The following PCDH15 variants were observed in gnomAD, a reference collection of about 807,000 sequenced individuals.
PCDH15 encodes protocadherin-15.
A neutral mutation model predicts 178.5 loss-of-function variants in PCDH15; 129 were observed. The observed-to-expected ratio is 0.72, with a 90% CI of 0.63 to 0.84. The LOEUF (loss-of-function observed/expected upper bound fraction) is 0.84, where lower values mean the gene tolerates loss of function less well. Among genes scored for constraint, PCDH15 ranks in the 40% least tolerant of loss-of-function variants. The probability of loss-of-function intolerance (pLI) is 0.00; values close to 1 mark genes in which losing one functional copy is unlikely to be tolerated. For synonymous variants in PCDH15, 800 were observed against 732.0 expected, an observed-to-expected ratio of 1.09 and a Z score of -1.50; for missense variants, 2,230 against 2,099.9, an observed-to-expected ratio of 1.06 and a Z score of -1.21.
chr10:54,099,498 C>CAAAA (rs755057091), intron 15 of PCDH15, among the ~76,000 whole-genome samples: 698 of 49,928 alleles, frequency 0.014, 48 homozygotes, highest in African/African-American at 0.075. Flanking sequence ...GACTCCATCT[C>CAAAA]AAAAAAAAAA....
intron 2 of PCDH15, among the ~76,000 whole-genome samples, chr10:55,617,975 T>C (rs1843512859): frequency 6.6e-6 from 1 of 152,050 alleles, no homozygotes; most frequent in Admixed American, 6.6e-5. Flanking sequence ...GGCATGTGAA[T>C]CCTATAAATG....
intron 3 of PCDH15, among the ~76,000 whole-genome samples, chr10:54,421,994 T>C (rs1271176787): frequency 6.8e-6 from 1 of 147,036 alleles, no homozygotes; most frequent in African/African-American, 2.5e-5. Flanking sequence ...TCCTTTAATT[T>C]TAAAAATTTT....
At chr10:54,399,065 C>T (rs941763859) in intron 3 of PCDH15, among the ~76,000 whole-genome samples, 1 of 151,974 alleles carries the variant, frequency 6.6e-6, no homozygotes, top group Non-Finnish European at 1.5e-5. Flanking sequence ...TATATGTGTT[C>T]CTTTCTGATT....
chr10:53,941,524 A>G (rs1589534934), intron 23 of PCDH15, among the ~76,000 whole-genome samples: 2 of 152,170 alleles, frequency 1.3e-5, no homozygotes, highest in Non-Finnish European at 2.9e-5. Context: ...GCACTACATA[A>G]TATTTCGCGG....
chr10:54,638,730 C>T (rs943404589), intron 2 of PCDH15, among the ~76,000 whole-genome samples: 1 of 152,042 alleles, frequency 6.6e-6, no homozygotes, highest in African/African-American at 2.4e-5. Context: ...AAGACACATA[C>T]ACATGCGCAT....
intron 23 of PCDH15, among the ~76,000 whole-genome samples, chr10:53,954,590 T>TACTGCA (rs1480566531): frequency 6.6e-6 from 1 of 152,238 alleles, no homozygotes; most frequent in Admixed American, 6.5e-5. Flanking sequence ...CTTTATATTT[T>TACTGCA]ACTTCTGTGA....
chr10:54,486,517 G>A (rs1458880764), intron 3 of PCDH15, among the ~76,000 whole-genome samples: 1 of 151,690 alleles, frequency 6.6e-6, no homozygotes, highest in African/African-American at 2.4e-5. Context: ...ATTTCACATA[G>A]TAGAGGCTAC....
chr10:54,103,178 A>G (rs1565266945), intron 15 of PCDH15, among the ~76,000 whole-genome samples: 1 of 152,138 alleles, frequency 6.6e-6, no homozygotes, highest in African/African-American at 2.4e-5. Context: ...TTATAATTCA[A>G]ATTAGTCTTT....
intron 26 of PCDH15, among the ~76,000 whole-genome samples, chr10:53,889,723 CCAAA>C (rs908220583): frequency 1.5e-4 from 23 of 152,080 alleles, no homozygotes; most frequent in African/African-American, 4.6e-4. Context: ...TTAAGAAACC[CCAAA>C]CAACTTATAT....
chr10:54,298,159 TCC>T (rs571174641), intron 8 of PCDH15, among the ~76,000 whole-genome samples: 63 of 152,236 alleles, frequency 4.1e-4, no homozygotes, highest in Middle Eastern at 6.8e-3. Context: ...AATCCTGCCT[TCC>T]TCGAGCAGCT....
chr10:53,920,362 G>T (rs958412520), intron 25 of PCDH15, among the ~76,000 whole-genome samples: 2 of 151,684 alleles, frequency 1.3e-5, no homozygotes, highest in Admixed American at 1.3e-4. Flanking sequence ...AAAAATAGTG[G>T]ATAAATTATG....
intron 2 of PCDH15, among the ~76,000 whole-genome samples, chr10:54,585,157 C>T (rs916809976): frequency 1.1e-4 from 14 of 128,848 alleles, no homozygotes; most frequent in African/African-American, 4.0e-4. Flanking sequence ...AAATGACCCA[C>T]AGAAGTTGGC....
intron 15 of PCDH15, among the ~76,000 whole-genome samples, chr10:54,123,223 G>T (rs879803667): frequency 5.3e-5 from 8 of 152,108 alleles, no homozygotes; most frequent in Admixed American, 2.0e-4. Flanking sequence ...CATCGACAGA[G>T]TGAACAGATA....
chr10:55,551,419 T>TA (rs1842001040), intron 2 of PCDH15, among the ~76,000 whole-genome samples: 1 of 151,912 alleles, frequency 6.6e-6, no homozygotes, highest in African/African-American at 2.4e-5. Flanking sequence ...TAGAATCCAT[T>TA]ACAATATTCT....
chr10:53,874,341 C>T (rs75641817), intron 26 of PCDH15, among the ~76,000 whole-genome samples: 1,623 of 152,238 alleles, frequency 0.011, 12 homozygotes, highest in African/African-American at 0.024. Context: ...CAAACTGCAA[C>T]GAAAACTGTA....
At chr10:53,827,184 G>C (rs1322678311) in intron 32 of PCDH15, among the ~76,000 whole-genome samples, 1 of 151,832 alleles carries the variant, frequency 6.6e-6, no homozygotes, top group Non-Finnish European at 1.5e-5. Flanking sequence ...TTTTCTCTTA[G>C]CTTTCTTTAA....
At chr10:54,728,514 C>A (rs1472867813) in intron 1 of PCDH15, among the ~76,000 whole-genome samples, 2 of 151,168 alleles carry the variant, frequency 1.3e-5, no homozygotes. Context: ...AAGAATTCTT[C>A]TTGAGAACTG....
chr10:54,635,584 CT>C, intron 2 of PCDH15, among the ~76,000 whole-genome samples: 1 of 151,816 alleles, frequency 6.6e-6, no homozygotes, highest in African/African-American at 2.4e-5. Flanking sequence ...AATTGGCATT[CT>C]TTTATCTCTT....
At chr10:55,361,227 A>T (rs1012426335) in intron 2 of PCDH15, among the ~76,000 whole-genome samples, 1 of 152,012 alleles carries the variant, frequency 6.6e-6, no homozygotes, top group Non-Finnish European at 1.5e-5. Context: ...ATACAGCCCA[A>T]GTATGTGCTT....
Sources: allele counts gnomAD v4.1 joint callset (sites outside exome capture counted in the v4.1 genomes callset), GRCh38; gene constraint gnomAD v4.1.1; transcripts MANE v1.5; gene names NCBI Gene and HGNC (gene_info 2026-07-23, HGNC 2026-07-21).